GNG3: variants seen among roughly 807,000 people sequenced by gnomAD.
GNG3 encodes the protein G protein subunit gamma 3, also known as guanine nucleotide-binding protein G(I)/G(S)/G(O) subunit gamma-3.
A neutral mutation model predicts 5.6 loss-of-function variants in GNG3; 4 were observed. The ratio of observed to expected loss-of-function variants is 0.71; its 90% CI spans 0.35 to 1.63. The LOEUF (loss-of-function observed/expected upper bound fraction) is 1.63, where lower values mean the gene tolerates loss of function less well. GNG3 is among the 40% of genes most tolerant of loss of function. The pLI is 0.05. For synonymous variants in GNG3, 30 were observed against 33.5 expected (o/e 0.89, Z 0.36); for missense variants, 62 against 96.6 (o/e 0.64, Z 1.50).
rs1279576721 is a variant in GNG3 at position 62,708,777 on chromosome 11, GAGA to G, written c.205_207del (p.Lys69del). On this transcript the variant is annotated inframe_deletion, in exon 3 of 3. Transcript: ENST00000294117. ...GCCCACTTCGGAGAACCCCTTCCGGGAGAAGAAGTTCTTCTGTGCTCTCCTCTG... is the reference window on the plus strand; with the variant it reads ...GCCCACTTCGGAGAACCCCTTCCGGGAGAAGTTCTTCTGTGCTCTCCTCTG... 3.7e-6 allele frequency: 6 copies of G among 1,613,896 alleles called. No individual in the cohort carries two copies. The highest frequency in any genetic ancestry group is 3.4e-6 in the Non-Finnish European group (4 of 1,179,958).
upstream of GNG3, chr11:62,707,450 A>T (rs913261563): frequency 1.4e-6 from 1 of 692,768 alleles, no homozygotes; most frequent in Admixed American, 2.0e-5. Flanking sequence ...CAGCCAGTAC[A>T]GACTCCACTG....
upstream of GNG3, chr11:62,706,502 G>C (rs2083541285): frequency 9.6e-6 from 4 of 415,838 alleles, no homozygotes; most frequent in Non-Finnish European, 1.9e-5. Context: ...TGACCAAAGG[G>C]GAAAGACGCC....
Position 62,709,019 on chromosome 11 carries a change from A to T in GNG3, c.*213A>T. ...GGCCGACCCCAAGCACCCCAGAGATATGAGGCACCCTTTGCTCCACCCACA... is the reference window on the plus strand; with the variant it reads ...GGCCGACCCCAAGCACCCCAGAGATTTGAGGCACCCTTTGCTCCACCCACA... On this transcript the variant is annotated 3_prime_UTR_variant, in exon 3 of 3. Coordinates refer to ENST00000294117, the MANE Select transcript of GNG3 (RefSeq NM_012202.5). 1 of 555,636 alleles carries T rather than the reference A, an allele frequency of 1.8e-6. No individual in the cohort carries two copies. Among genetic ancestry groups the T allele is most frequent in the Non-Finnish European group, 3.3e-6 (1 of 306,230 alleles). 34.4% of individuals were successfully genotyped at this position (555,636 alleles called of 1,614,324 possible).
In GNG3 at chr11:62,708,663, C is replaced by G. The variant is rs749453511; in HGVS notation, c.100-15C>G. The G allele has an allele frequency of 3.1e-6, 5 of 1,613,486 alleles. No individual in the cohort carries two copies. The highest frequency in any genetic ancestry group is 4.2e-6 in the Non-Finnish European group (5 of 1,179,652). Reference sequence around the variant, plus strand: ...GAGGTCCTGGCTAACAATACCCTTCCTGGCTGTGTCCCAGGTGTCCAAGGC... The same window carrying G: ...GAGGTCCTGGCTAACAATACCCTTCGTGGCTGTGTCCCAGGTGTCCAAGGC... On this transcript the variant is annotated splice_polypyrimidine_tract_variant and intron_variant, in intron 2 of 2. Transcript: ENST00000294117.
In GNG3 at chr11:62,708,185, G is replaced by A. The variant is rs191121618; in HGVS notation, c.-1-110G>A. 4.8e-3 allele frequency: 3,680 copies of A among 773,240 alleles called. 32 individuals are homozygous for A. The highest frequency in any genetic ancestry group is 6.2e-3 in the South Asian group (441 of 71,494). The allele number at this position is 773,240 out of a possible 1,614,324, so 47.9% of individuals were successfully genotyped here. A position where few individuals can be genotyped will look rare whatever the true frequency, so the allele number is the denominator to read the frequency against. On this transcript the variant is annotated intron_variant, in intron 1 of 2. Coordinates refer to ENST00000294117, the MANE Select transcript of GNG3 (RefSeq NM_012202.5). ...GGAGGAGGAGGAGGAGGATAGGAGG[G>A]GAACAAAATATTGGGGTATGACCAC...
At chr11:62,706,845 AC>A, upstream of GNG3, 1 of 597,396 alleles carries the variant, frequency 1.7e-6, no homozygotes, top group South Asian at 1.8e-5. Context: ...CTAACTGGAT[AC>A]ACTCTCCCTC....
Position 62,708,386 on chromosome 11 carries a change from C to G in GNG3, c.91C>G (p.Arg31Gly). 3 of 1,610,204 alleles carry G rather than the reference C, an allele frequency of 1.9e-6. No individual in the cohort carries two copies. The highest frequency in any genetic ancestry group is 2.5e-6 in the Non-Finnish European group (3 of 1,176,486). Residue 31 changes from arginine (R) to glycine (G), a missense_variant, in exon 2 of 3, where the codon CGG becomes GGG. Around this residue, in one of 2 missense-constraint regions of GNG3, gnomAD observed 58 missense variants for 75.4 expected, o/e 0.77. Transcript: ENST00000294117. ...EQLKIEASLC[R>G]IKVSKAAADL... is the part of the protein sequence containing the mutation. The stretch of plus-strand genomic sequence containing the variant: ...GCTTAAGATTGAAGCCAGCTTGTGT[C>G]GGATAAAGGTAGGTGGGACCCTGGC...
chr11:62,707,537 T>G (rs2083563202), upstream of GNG3: 1 of 605,616 alleles, frequency 1.7e-6, no homozygotes, highest in Admixed American at 2.8e-5. Context: ...TGGGGAGGTC[T>G]CTAGCCCAGA....
At chr11:62,708,095 T>C in intron 1 of GNG3, 180 bp downstream of exon 1, 2 of 594,890 alleles carry the variant, frequency 3.4e-6, no homozygotes, top group South Asian at 1.9e-5. Flanking sequence ...CATGAGGGAG[T>C]TTGGGGAGCA....
In GNG3 at chr11:62,708,335, G is replaced by A; in HGVS notation, c.40G>A (p.Gly14Arg). ...CCCGGTGAACAGCACTATGAGTATT[G>A]GGCAAGCACGCAAGATGGTGGAACA... ...ETPVNSTMSI[G>R]QARKMVEQLK... Residue 14 changes from glycine to arginine, a missense_variant, in exon 2 of 3, where the codon GGG becomes AGG. Coordinates refer to ENST00000294117, the MANE Select transcript of GNG3 (RefSeq NM_012202.5). 1 of 1,613,698 alleles carries A rather than the reference G, an allele frequency of 6.2e-7. No individual in the cohort carries two copies. The highest frequency in any genetic ancestry group is 8.5e-7 in the Non-Finnish European group (1 of 1,179,592).
chr11:62,707,163 T>C (rs2083555136), upstream of GNG3: 1 of 1,554,268 alleles, frequency 6.4e-7, no homozygotes, highest in African/African-American at 1.4e-5. Flanking sequence ...TTTCCCCAGC[T>C]TCCTCCTTTT....
intron 2 of GNG3, 120 bp from the exon 3 acceptor site, chr11:62,708,558 G>A (rs1397465333): frequency 2.1e-6 from 3 of 1,425,742 alleles, no homozygotes; most frequent in Non-Finnish European, 2.9e-6. Context: ...TGGGGGGGAT[G>A]AGGGAGAAGA....
Position 62,708,702 on chromosome 11 carries a change from A to T in GNG3, c.124A>T (p.Met42Leu), listed in dbSNP as rs759003956. ...IKVSKAAADL[M>L]TYCDAHACED... ...GGTGTCCAAGGCAGCAGCAGACCTG[A>T]TGACTTACTGTGATGCCCACGCCTG... is the stretch of plus-strand genomic sequence containing the variant. Residue 42 changes from methionine (M) to leucine (L), a missense_variant, in exon 3 of 3, where the codon ATG becomes TTG. By Grantham distance (15) the Met-to-Leu change is conservative. Around this residue, in one of 2 missense-constraint regions of GNG3, gnomAD observed 58 missense variants for 75.4 expected, o/e 0.77. Transcript: ENST00000294117. 6.2e-7 allele frequency: 1 copy of T among 1,613,712 alleles called. No homozygotes were observed. Among genetic ancestry groups the T allele is most frequent in the South Asian group, 1.1e-5 (1 of 91,060 alleles).
At chr11:62,707,328 G>A (rs2083557960), upstream of GNG3, 1 of 833,684 alleles carries the variant, frequency 1.2e-6, no homozygotes, top group Non-Finnish European at 2.0e-6. Context: ...AGGGTCCCTG[G>A]GAGAGAAACG....
rs372575589 is a variant in GNG3, at chr11:62,708,823, T to G, written c.*17T>G. On this transcript the variant is annotated 3_prime_UTR_variant, in exon 3 of 3. Transcript: ENST00000294117. ...CTCCTCTGAGCTCCCCTGTCCCTTC[T>G]CACAACTCCTCCCTTTTCCCTCTCC... is the stretch of plus-strand genomic sequence containing the variant. 1 of 1,592,932 alleles carries G rather than the reference T, an allele frequency of 6.3e-7. No homozygotes were observed. The highest frequency in any genetic ancestry group is 1.3e-5 in the African/African-American group (1 of 74,480).
At chr11:62,707,414 G>T, upstream of GNG3, 1 of 701,312 alleles carries the variant, frequency 1.4e-6, no homozygotes, top group South Asian at 1.5e-5. Context: ...GCTGATGTCA[G>T]ATTTTCAAAT....
At chr11:62,707,082 G>T, upstream of GNG3, 1 of 1,539,474 alleles carries the variant, frequency 6.5e-7, no homozygotes, top group South Asian at 1.2e-5. Flanking sequence ...GTATATTTCT[G>T]CTGACTGTCC....
chr11:62,708,659 C>G lies in GNG3; in HGVS notation c.100-19C>G. ...TTCAGAGGTCCTGGCTAACAATACC[C>G]TTCCTGGCTGTGTCCCAGGTGTCCA... On this transcript the variant is annotated intron_variant, in intron 2 of 2. Coordinates refer to ENST00000294117, the MANE Select transcript of GNG3 (RefSeq NM_012202.5). The G allele has an allele frequency of 1.2e-6, 2 of 1,613,294 alleles. No individual in the cohort carries two copies. The highest frequency in any genetic ancestry group is 1.7e-6 in the Non-Finnish European group (2 of 1,179,522).
At chr11:62,707,220 C>T, upstream of GNG3, 1 of 1,547,658 alleles carries the variant, frequency 6.5e-7, no homozygotes, top group Non-Finnish European at 8.8e-7. Context: ...TCTGTTGACT[C>T]TGGATCTTCC....
Sources: gnomAD v4.1 joint callset for allele counts on GRCh38, gnomAD v4.1.1 for gene constraint, gnomAD v4.1.1 regional missense constraint, MANE v1.5 for transcripts, NCBI Gene and HGNC (gene_info 2026-07-23, HGNC 2026-07-21) for gene names.